ABHD5: variants seen among roughly 807,000 people sequenced by gnomAD.
ABHD5 encodes abhydrolase domain containing 5, lysophosphatidic acid acyltransferase, also known as 1-acylglycerol-3-phosphate O-acyltransferase ABHD5.
In ABHD5, 30 loss-of-function variants were observed where a neutral mutation model predicts 44.9. The observed-to-expected ratio is 0.67, with a 90% CI of 0.50 to 0.91. The LOEUF is 0.91. ABHD5 is among the 40% of genes least tolerant of loss of function. The pLI, the probability that ABHD5 is intolerant of heterozygous loss-of-function variation, is 0.00. For missense variants in ABHD5, 399 were observed against 423.4 expected, an observed-to-expected ratio of 0.94 and a Z score of 0.50; for synonymous variants, 167 against 147.0, an observed-to-expected ratio of 1.14 and a Z score of -0.99.
In ABHD5 at chr3:43,731,756, C is replaced by T. The variant is rs376873181; in HGVS notation, c.*30-2124C>T. Among the ~76,000 whole-genome samples, 111 of 152,110 alleles carry T rather than the reference C, an allele frequency of 7.3e-4. No homozygotes were observed. In the East Asian group the frequency reaches 0.013, roughly 17 times the overall value. On this transcript the variant is annotated intron_variant, in intron 7 of 7. Transcript: ENST00000454293. The stretch of plus-strand genomic sequence containing the variant: ...CTGAGGCAGGAGAATCGCTTGAACC[C>T]GGGAGACGGGAGGTTGTGGTGAGCT...
Position 43,717,800 on chromosome 3 carries a change from T to C in ABHD5, c.903T>C (p.Asp301=). Residue 301 remains aspartate (D), a synonymous_variant, in exon 6 of 7, where the codon GAT becomes GAC. Transcript: ENST00000644371. Reference sequence around the variant, plus strand: ...TCTTTGGCGCCCGATCCTGCATAGATGGCAATTCTGGCACCAGCATCCAGT... The same window carrying C: ...TCTTTGGCGCCCGATCCTGCATAGACGGCAATTCTGGCACCAGCATCCAGT... ...SVIFGARSCI[D]GNSGTSIQSL... 6.2e-7 allele frequency: 1 copy of C among 1,614,226 alleles called. No homozygotes were observed. The highest frequency in any genetic ancestry group is 8.5e-7 in the Non-Finnish European group (1 of 1,180,026).
At chr3:43,691,326 T>TA (rs1447531088) in intron 1 of ABHD5, 2 of 277,378 alleles carry the variant, frequency 7.2e-6, no homozygotes, top group Admixed American at 5.3e-5. Flanking sequence ...CCCGTTGTTG[T>TA]ATAAGCCACC....
In ABHD5 at chr3:43,722,708, A is replaced by G. The variant is rs2084851070; in HGVS notation, c.*4176A>G. On this transcript the variant is annotated 3_prime_UTR_variant, in exon 7 of 7. Transcript: ENST00000644371. ...ATATCCTACAGACCAAACAACCACA[A>G]ATAAATCTTAAACTGCATTCAGTAG... The G allele has an allele frequency of 6.6e-6, 1 of 152,166 alleles. No homozygotes were observed. Among genetic ancestry groups the G allele is most frequent in the Admixed American group, 6.5e-5 (1 of 15,280 alleles). 9.4% of individuals were successfully genotyped at this position (152,166 alleles called of 1,614,324 possible).
chr3:43,709,148 A>G (rs1045425805), intron 3 of ABHD5, among the ~76,000 whole-genome samples: 7 of 152,268 alleles, frequency 4.6e-5, no homozygotes, highest in African/African-American at 1.7e-4. Flanking sequence ...GGAAAAGCAT[A>G]TTAATCCAAA....
chr3:43,693,147 G>A (rs1432048018), intron 1 of ABHD5, among the ~76,000 whole-genome samples: 1 of 152,188 alleles, frequency 6.6e-6, no homozygotes, highest in African/African-American at 2.4e-5. Flanking sequence ...CAATTGAGTT[G>A]AGAGAAAGCT....
chr3:43,704,033 C>CTTTTTTT (rs10544525), intron 3 of ABHD5, among the ~76,000 whole-genome samples: 13 of 84,838 alleles, frequency 1.5e-4, no homozygotes, highest in Admixed American at 3.2e-4. Flanking sequence ...TCTTTATTTT[C>CTTTTTTT]TTTTTTTTTT....
At chr3:43,731,095 T>C (rs749645714) in intron 7 of ABHD5, among the ~76,000 whole-genome samples, 2 of 152,188 alleles carry the variant, frequency 1.3e-5, no homozygotes, top group African/African-American at 4.8e-5. Context: ...CCCAAAGTGC[T>C]GGGATTACAG....
chr3:43,702,224 G>A lies in ABHD5; in HGVS notation c.143G>A (p.Cys48Tyr), dbSNP rs1305821623. ...TTTATGTTTTCATTAGGTGTGCCTT[G>A]CACATACAAAAAAGAACCTGTTCGT... ...AEEKMLKCVP[C>Y]TYKKEPVRIS... The change falls in exon 3 of 7, where the codon TGC becomes TAC. Residue 48 changes from cysteine to tyrosine, a missense_variant. Transcript: ENST00000644371. 1.9e-6 allele frequency: 3 copies of A among 1,588,474 alleles called. No homozygotes were observed. Among genetic ancestry groups the A allele is most frequent in the East Asian group, 2.3e-5 (1 of 44,356 alleles).
rs540791910 is a variant in ABHD5 at position 43,711,842 on chromosome 3, C to A, written c.640C>A (p.Leu214Ile). 94 of 1,614,160 alleles carry A rather than the reference C, an allele frequency of 5.8e-5. No individual in the cohort carries two copies. In the South Asian group the frequency reaches 7.7e-4, roughly 13 times the overall value. The change falls in exon 4 of 7, where the codon CTA becomes ATA. Residue 214 changes from leucine to isoleucine, a missense_variant. Leu to Ile is a conservative substitution (Grantham distance 5). Transcript: ENST00000644371. ...ALTPFNPLAG[L>I]RIAGPFGLSL... is the part of the protein sequence containing the mutation. ...GACTCCCTTTAACCCTTTAGCTGGC[C>A]TAAGGATTGCAGGACCCTTTGGTGA...
At chr3:43,724,771 TAAAG>T (rs1345775447), downstream of ABHD5, among the ~76,000 whole-genome samples, 1 of 152,126 alleles carries the variant, frequency 6.6e-6, no homozygotes, top group East Asian at 1.9e-4. Context: ...CAAAGTTACA[TAAAG>T]ATACACTTAA....
chr3:43,711,252 A>G (rs1559415994), intron 3 of ABHD5, among the ~76,000 whole-genome samples: 1 of 152,236 alleles, frequency 6.6e-6, no homozygotes, highest in East Asian at 1.9e-4. Flanking sequence ...GTTGATTCAT[A>G]GGAGATAACT....
chr3:43,692,368 G>T (rs1442162774), intron 1 of ABHD5, among the ~76,000 whole-genome samples: 1 of 152,180 alleles, frequency 6.6e-6, no homozygotes, highest in East Asian at 1.9e-4. Context: ...GGTAGGTTGT[G>T]TTCTCATCTT....
At chr3:43,708,056 G>T (rs2084644437) in intron 3 of ABHD5, among the ~76,000 whole-genome samples, 1 of 152,224 alleles carries the variant, frequency 6.6e-6, no homozygotes, top group Non-Finnish European at 1.5e-5. Flanking sequence ...TGGTACAGGT[G>T]TTGTCCACTG....
chr3:43,702,569 C>G lies in ABHD5; in HGVS notation c.488C>G (p.Ser163Trp). ...NLGGFLAAAY[S>W]LKYPSRVNHL... ...GGTGGATTCTTGGCTGCTGCTTACT[C>G]GCTGAAGTACCCATCAAGGTAAGTG... The change falls in exon 3 of 7, where the codon TCG becomes TGG. Residue 163 changes from serine (S) to tryptophan (W), a missense_variant. Transcript: ENST00000644371. 1 of 1,614,188 alleles carries G rather than the reference C, an allele frequency of 6.2e-7. No homozygotes were observed. The highest frequency in any genetic ancestry group is 1.1e-5 in the South Asian group (1 of 91,076).
chr3:43,693,314 C>T (rs550504381), intron 1 of ABHD5, among the ~76,000 whole-genome samples: 6 of 152,128 alleles, frequency 3.9e-5, no homozygotes, highest in South Asian at 2.1e-4. Context: ...ATTTACACCA[C>T]GGAAATCATC....
intron 6 of ABHD5, 28 bp from the exon 7 acceptor site, chr3:43,718,415 A>C (rs746110486): frequency 6.3e-7 from 1 of 1,585,082 alleles, no homozygotes; most frequent in Admixed American, 1.7e-5. Flanking sequence ...TTTACTCACT[A>C]ACTGTCTGAA....
At chr3:43,700,204 A>T (rs1200531196) in intron 2 of ABHD5, among the ~76,000 whole-genome samples, 1 of 151,994 alleles carries the variant, frequency 6.6e-6, no homozygotes, top group Non-Finnish European at 1.5e-5. Flanking sequence ...GGTCCATAGA[A>T]TTCCTTCTAG....
chr3:43,717,819 A>G lies in ABHD5; in HGVS notation c.922A>G (p.Ile308Val), dbSNP rs774687594. Reference sequence around the variant, plus strand: ...CATAGATGGCAATTCTGGCACCAGCATCCAGTCCTTACGACCACATTCATA... The same window carrying G: ...CATAGATGGCAATTCTGGCACCAGCGTCCAGTCCTTACGACCACATTCATA... ...SCIDGNSGTS[I>V]QSLRPHSYVK... Residue 308 changes from isoleucine to valine, a missense_variant, in exon 6 of 7, where the codon ATC becomes GTC. By Grantham distance (29) the Ile-to-Val change is conservative. Transcript: ENST00000644371. 3 of 1,614,232 alleles carry G rather than the reference A, an allele frequency of 1.9e-6. No individual in the cohort carries two copies. Among genetic ancestry groups the G allele is most frequent in the Non-Finnish European group, 2.5e-6 (3 of 1,180,036 alleles).
intron 2 of ABHD5, among the ~76,000 whole-genome samples, chr3:43,699,914 A>G (rs755066040): frequency 6.6e-6 from 1 of 152,208 alleles, no homozygotes; most frequent in African/African-American, 2.4e-5. Flanking sequence ...TGAAAAATAG[A>G]AAGTCTTAGT....
Sources: allele counts gnomAD v4.1 joint callset (sites outside exome capture counted in the v4.1 genomes callset), GRCh38; gene constraint gnomAD v4.1.1; transcripts MANE v1.5; gene names NCBI Gene and HGNC (gene_info 2026-07-23, HGNC 2026-07-21).